CNTN5: variants seen among roughly 807,000 people sequenced by gnomAD.
The protein encoded by CNTN5 is contactin-5.
A neutral mutation model predicts 129.1 loss-of-function variants in CNTN5; 77 were observed. The ratio of observed to expected loss-of-function variants is 0.60; its 90% CI spans 0.50 to 0.72. The LOEUF is 0.72. Among genes scored for constraint, CNTN5 ranks in the 30% least tolerant of loss-of-function variants. The pLI is 0.00. For missense variants in CNTN5, 1,478 were observed against 1,328.8 expected (o/e 1.11, Z -1.75); for synonymous variants, 509 against 465.6 (o/e 1.09, Z -1.20).
intron 9 of CNTN5, among the ~76,000 whole-genome samples, chr11:100,053,008 A>G (rs2137753105): frequency 6.6e-6 from 1 of 151,836 alleles, no homozygotes; most frequent in South Asian, 2.1e-4. Context: ...ACTGTTAAAT[A>G]AGTTGATCCT....
At chr11:99,516,156 C>G (rs567193564) in intron 2 of CNTN5, among the ~76,000 whole-genome samples, 3 of 151,970 alleles carry the variant, frequency 2.0e-5, no homozygotes, top group Non-Finnish European at 4.4e-5. Flanking sequence ...GGCTTATTTA[C>G]AATACTCATA....
intron 1 of CNTN5, among the ~76,000 whole-genome samples, chr11:99,320,341 G>C (rs1865518080): frequency 6.6e-6 from 1 of 152,174 alleles, no homozygotes; most frequent in African/African-American, 2.4e-5. Context: ...AAGACGAGAT[G>C]ATTATTGTTA....
intron 7 of CNTN5, among the ~76,000 whole-genome samples, chr11:99,924,807 C>T (rs1950023384): frequency 1.3e-5 from 2 of 151,948 alleles, no homozygotes; most frequent in South Asian, 2.1e-4. Context: ...CTTAATATAG[C>T]TATTTAACAT....
chr11:99,549,974 A>G (rs1948428882), intron 2 of CNTN5, among the ~76,000 whole-genome samples: 1 of 152,160 alleles, frequency 6.6e-6, no homozygotes, highest in South Asian at 2.1e-4. Flanking sequence ...TCAGAAAACT[A>G]GTGTGGCTCC....
At chr11:99,361,249 C>T (rs1333723159) in intron 2 of CNTN5, among the ~76,000 whole-genome samples, 1 of 152,136 alleles carries the variant, frequency 6.6e-6, no homozygotes, top group African/African-American at 2.4e-5. Context: ...ACCAGAAGCA[C>T]CTTTAATGCT....
rs547791232 is a variant in CNTN5 at position 99,869,159 on chromosome 11, G to A, written c.577+23897G>A. 5.3e-5 allele frequency among the ~76,000 whole-genome samples: 8 copies of A among 152,204 alleles called. No homozygotes were observed. The South Asian group carries it at 1.0e-3, about 20-fold the overall frequency. ...TAACTTTAAAAGGATCATTTCCTCCGTAGATTTTTGTTAGGTTTAGGTCTT... is the reference window on the plus strand; with the variant it reads ...TAACTTTAAAAGGATCATTTCCTCCATAGATTTTTGTTAGGTTTAGGTCTT... On this transcript the variant is annotated intron_variant, in intron 6 of 24. Transcript: ENST00000524871.
chr11:100,297,574 C>T (rs770125210), intron 18 of CNTN5, 51 bp from the exon 19 acceptor site: 75 of 1,249,520 alleles, frequency 6.0e-5, no homozygotes, highest in Non-Finnish European at 7.3e-5. Context: ...TTTTATCCAA[C>T]GTAGGTTGGG....
chr11:99,769,425 C>T (rs1469038165), intron 3 of CNTN5, among the ~76,000 whole-genome samples: 1 of 152,050 alleles, frequency 6.6e-6, no homozygotes, highest in African/African-American at 2.4e-5. Flanking sequence ...TAAATTCTTA[C>T]CTCTAATTCA....
At chr11:99,384,753 TA>T (rs1354065043) in intron 2 of CNTN5, among the ~76,000 whole-genome samples, 1 of 152,160 alleles carries the variant, frequency 6.6e-6, no homozygotes, top group Non-Finnish European at 1.5e-5. Context: ...TGTTTGCTTT[TA>T]AAAAAATTAA....
chr11:100,173,920 A>G (rs1947890515), intron 13 of CNTN5, among the ~76,000 whole-genome samples: 1 of 152,134 alleles, frequency 6.6e-6, no homozygotes. Context: ...CAGGAGGAGA[A>G]CAAATGTGAA....
In CNTN5 at chr11:99,053,125, G is replaced by T. The variant is rs118110214; in HGVS notation, c.-210+31855G>T. Among the ~76,000 whole-genome samples, 1,047 of 151,882 alleles carry T rather than the reference G, an allele frequency of 6.9e-3. 4 individuals are homozygous for T. The highest frequency in any genetic ancestry group is 0.012 in the Non-Finnish European group (839 of 67,842). On this transcript the variant is annotated intron_variant, in intron 1 of 24. Coordinates refer to ENST00000524871, the MANE Select transcript of CNTN5 (RefSeq NM_014361.4). The stretch of plus-strand genomic sequence containing the variant: ...TCTATTTGTGTGACAAAAAGTTTAG[G>T]ACCAATTTGCTATGCTTTGAAGCCT...
At chr11:100,146,893 A>G (rs1591313544) in intron 13 of CNTN5, among the ~76,000 whole-genome samples, 1 of 152,162 alleles carries the variant, frequency 6.6e-6, no homozygotes. Context: ...TCACTAAGCA[A>G]TGCAAAATAA....
intron 3 of CNTN5, among the ~76,000 whole-genome samples, chr11:99,790,695 G>A (rs1485780265): frequency 6.6e-6 from 1 of 151,954 alleles, no homozygotes; most frequent in Non-Finnish European, 1.5e-5. Flanking sequence ...CCCAATAATG[G>A]GATTTCTAGG....
chr11:99,266,799 G>A (rs1189782802), intron 1 of CNTN5, among the ~76,000 whole-genome samples: 3 of 151,862 alleles, frequency 2.0e-5, no homozygotes, highest in African/African-American at 7.3e-5. Context: ...AAATAATGAG[G>A]AACAAGTGTA....
At chr11:99,731,149 C>A (rs1438498335) in intron 3 of CNTN5, among the ~76,000 whole-genome samples, 2 of 151,904 alleles carry the variant, frequency 1.3e-5, no homozygotes, top group African/African-American at 4.8e-5. Flanking sequence ...TGCTCTGTCG[C>A]CCAGGCTGGA....
At chr11:99,813,612 G>A (rs1946495301) in intron 3 of CNTN5, among the ~76,000 whole-genome samples, 1 of 152,144 alleles carries the variant, frequency 6.6e-6, no homozygotes, top group East Asian at 1.9e-4. Flanking sequence ...TCCTCTGGGA[G>A]GGAGTTGATC....
intron 3 of CNTN5, among the ~76,000 whole-genome samples, chr11:99,767,074 A>G (rs1944780510): frequency 6.6e-6 from 1 of 151,968 alleles, no homozygotes; most frequent in Non-Finnish European, 1.5e-5. Context: ...AGATTTCACA[A>G]AGGTTTTATC....
intron 3 of CNTN5, among the ~76,000 whole-genome samples, chr11:99,748,412 C>CACAG (rs1765353372): frequency 7.9e-6 from 1 of 127,060 alleles, no homozygotes; most frequent in African/African-American, 3.4e-5. Flanking sequence ...CAGAACAATC[C>CACAG]ATAGAGAGAG....
chr11:100,203,803 C>CACACAT (rs771382765), intron 15 of CNTN5, among the ~76,000 whole-genome samples: 1 of 149,374 alleles, frequency 6.7e-6, no homozygotes, highest in African/African-American at 2.4e-5. Flanking sequence ...TGCACGTACA[C>CACACAT]ACACACACAC....
Sources: allele counts gnomAD v4.1 joint callset (sites outside exome capture counted in the v4.1 genomes callset), GRCh38; gene constraint gnomAD v4.1.1; transcripts MANE v1.5; gene names NCBI Gene and HGNC (gene_info 2026-07-23, HGNC 2026-07-21).